Variants in STAB2 observed in about 807,000 individuals in gnomAD.
STAB2 encodes stabilin 2.
A neutral mutation model predicts 338.1 loss-of-function variants in STAB2; 288 were observed. The ratio of observed to expected loss-of-function variants is 0.85; its 90% CI spans 0.77 to 0.94. The LOEUF (loss-of-function observed/expected upper bound fraction) is 0.94. Among genes scored for constraint, STAB2 ranks in the 40% least tolerant of loss-of-function variants. STAB2 has a pLI of 0.00. For synonymous variants in STAB2, 1,202 were observed against 1,193.3 expected (o/e 1.01, Z -0.15); for missense variants, 3,141 against 3,210.1 (o/e 0.98, Z 0.52).
intron 55 of STAB2, among the ~76,000 whole-genome samples, chr12:103,741,546 T>C (rs185651130): frequency 1.4e-3 from 217 of 152,292 alleles, no homozygotes; most frequent in African/African-American, 5.2e-3. Flanking sequence ...CTCAACCCTC[T>C]GGGCTCAAGT....
intron 33 of STAB2, 85 bp from the exon 34 acceptor site, chr12:103,699,011 A>T: frequency 6.7e-7 from 1 of 1,482,402 alleles, no homozygotes; most frequent in South Asian, 1.4e-5. Context: ...CCTCTTTGTA[A>T]TCTCCACAGT....
At chr12:103,713,892 G>A (rs1189700565) in intron 42 of STAB2, 124 bp downstream of exon 42, 3 of 1,480,770 alleles carry the variant, frequency 2.0e-6, no homozygotes, top group African/African-American at 1.4e-5. Flanking sequence ...ATTTGCCAGG[G>A]CAGGAAAGTA....
At chr12:103,594,278 G>A (rs1053999701) in intron 2 of STAB2, 117 bp from the exon 3 acceptor site, 5 of 718,004 alleles carry the variant, frequency 7.0e-6, no homozygotes, top group East Asian at 2.5e-5. Context: ...GTTCCATCTA[G>A]ATATTTTTAA....
At chr12:103,756,993 G>GAAAAAA (rs146893760) in intron 63 of STAB2, among the ~76,000 whole-genome samples, 1 of 15,270 alleles carries the variant, frequency 6.5e-5, no homozygotes, top group African/African-American at 4.0e-4. Flanking sequence ...CAGAAGGAGG[G>GAAAAAA]AAAATATATA....
chr12:103,629,598 G>A (rs1246180670), intron 5 of STAB2, among the ~76,000 whole-genome samples: 3 of 152,178 alleles, frequency 2.0e-5, no homozygotes, highest in African/African-American at 7.2e-5. Context: ...TGGCCTTGAA[G>A]GATTCCAGTT....
intron 54 of STAB2, among the ~76,000 whole-genome samples, chr12:103,739,750 A>T (rs771657160): frequency 2.0e-5 from 3 of 152,190 alleles, no homozygotes; most frequent in Non-Finnish European, 2.9e-5. Flanking sequence ...TGATTATAAA[A>T]ATAGCTGCAT....
chr12:103,738,215 G>A (rs1239665454), intron 53 of STAB2, among the ~76,000 whole-genome samples: 1 of 152,170 alleles, frequency 6.6e-6, no homozygotes, highest in Non-Finnish European at 1.5e-5. Flanking sequence ...CACATAGTCA[G>A]TCTAATATGA....
intron 54 of STAB2, 58 bp downstream of exon 54, chr12:103,739,526 C>A: frequency 2.9e-6 from 3 of 1,028,552 alleles, no homozygotes; most frequent in Non-Finnish European, 4.1e-6. Flanking sequence ...CATTATCAGA[C>A]CTGTGTGTGT....
rs775453662 is a variant in STAB2, at chr12:103,638,067, A to C, written c.761A>C (p.Tyr254Ser). 2.5e-6 allele frequency: 4 copies of C among 1,614,182 alleles called. No individual in the cohort carries two copies. The highest frequency in any genetic ancestry group is 3.4e-6 in the Non-Finnish European group (4 of 1,180,036). ...KICHPHAHCT[Y>S]LGPNRHSCTC... ...TGCCACCCTCATGCTCATTGTACGT[A>C]CCTGGGACCAAATCGGCACAGTTGT... Residue 254 changes from tyrosine (Y) to serine (S), a missense_variant, in exon 8 of 69, where the codon TAC (tyrosine) becomes TCC (serine). Physicochemically the swap from Tyr to Ser is moderately radical, Grantham distance 144. Coordinates refer to ENST00000388887, the MANE Select transcript of STAB2 (RefSeq NM_017564.10).
chr12:103,685,589 C>T (rs1877357263), intron 27 of STAB2, among the ~76,000 whole-genome samples: 4 of 152,192 alleles, frequency 2.6e-5, no homozygotes, highest in Admixed American at 2.0e-4. Context: ...CTATTATGCC[C>T]ATTTTACAGG....
intron 50 of STAB2, among the ~76,000 whole-genome samples, 189 bp downstream of exon 50, chr12:103,731,824 G>T (rs1348287137): frequency 2.0e-5 from 3 of 152,170 alleles, no homozygotes; most frequent in Non-Finnish European, 4.4e-5. Context: ...TATATGGCTT[G>T]TTGAGCTATA....
chr12:103,663,766 C>G (rs1007572880), intron 18 of STAB2, among the ~76,000 whole-genome samples: 6 of 152,202 alleles, frequency 3.9e-5, no homozygotes, highest in African/African-American at 1.4e-4. Context: ...CCAACAAGAT[C>G]ACATTCTGAG....
intron 3 of STAB2, among the ~76,000 whole-genome samples, chr12:103,610,711 A>G (rs1297796318): frequency 6.6e-6 from 1 of 151,858 alleles, no homozygotes; most frequent in African/African-American, 2.4e-5. Flanking sequence ...GATCTTAGTT[A>G]TTTCTTGCCT....
chr12:103,629,293 A>G (rs879858095), intron 5 of STAB2, among the ~76,000 whole-genome samples: 1 of 152,220 alleles, frequency 6.6e-6, no homozygotes, highest in African/African-American at 2.4e-5. Flanking sequence ...GGGAATAATC[A>G]TGTCTGAACA....
intron 65 of STAB2, among the ~76,000 whole-genome samples, chr12:103,759,953 A>G (rs568596315): frequency 1.3e-5 from 2 of 152,222 alleles, no homozygotes; most frequent in South Asian, 2.1e-4. Flanking sequence ...TTTGTGGAAA[A>G]TTGATCAAAT....
chr12:103,684,945 C>T (rs374001404), intron 26 of STAB2, 44 bp from the exon 27 acceptor site: 253 of 1,593,472 alleles, frequency 1.6e-4, no homozygotes, highest in Admixed American at 1.5e-3. Flanking sequence ...TCAGGTCTAA[C>T]GTTTTTGTTG....
intron 3 of STAB2, among the ~76,000 whole-genome samples, chr12:103,609,926 C>T (rs1321829408): frequency 1.3e-5 from 2 of 152,200 alleles, no homozygotes; most frequent in African/African-American, 2.4e-5. Flanking sequence ...AAGGCCTTTT[C>T]TGCATCTATT....
At chr12:103,737,580 C>T (rs1396694567) in intron 52 of STAB2, 54 bp from the exon 53 acceptor site, 15 of 1,090,368 alleles carry the variant, frequency 1.4e-5, no homozygotes, top group Non-Finnish European at 1.8e-5. Flanking sequence ...CTGTTTCTCT[C>T]TCTCTCTCTC....
chr12:103,604,848 G>A (rs944911526), intron 3 of STAB2, among the ~76,000 whole-genome samples: 1 of 151,022 alleles, frequency 6.6e-6, no homozygotes, highest in Non-Finnish European at 1.5e-5. Context: ...ATTAGCCACT[G>A]CACTTTATAC....
Sources: allele counts gnomAD v4.1 joint callset (sites outside exome capture counted in the v4.1 genomes callset), GRCh38; gene constraint gnomAD v4.1.1; transcripts MANE v1.5; gene names NCBI Gene and HGNC (gene_info 2026-07-23, HGNC 2026-07-21).